ALDH4A1: variants seen among roughly 807,000 people sequenced by gnomAD.
ALDH4A1 encodes the protein aldehyde dehydrogenase 4 family member A1, also known as delta-1-pyrroline-5-carboxylate dehydrogenase, mitochondrial.
In ALDH4A1, 46 loss-of-function variants were observed where a neutral mutation model predicts 70.5. The observed-to-expected ratio is 0.65, with a 90% CI of 0.51 to 0.83. ALDH4A1 has a LOEUF of 0.83. Ranked by LOEUF, ALDH4A1 falls within the 40% of genes least tolerant of loss-of-function variation. The probability of loss-of-function intolerance (pLI) is 0.00; values close to 1 mark genes in which losing one functional copy is unlikely to be tolerated. For missense variants in ALDH4A1, 749 were observed against 766.5 expected, an observed-to-expected ratio of 0.98 and a Z score of 0.27; for synonymous variants, 323 against 324.3, an observed-to-expected ratio of 1.00 and a Z score of 0.04.
chr1:18,893,056 G>T (rs1486681534), intron 1 of ALDH4A1, among the ~76,000 whole-genome samples: 1 of 152,108 alleles, frequency 6.6e-6, no homozygotes, highest in Non-Finnish European at 1.5e-5. Context: ...ACCAAAGATG[G>T]TGAGCCAGAT....
At chr1:18,884,989 C>T (rs1935134951) in intron 5 of ALDH4A1, among the ~76,000 whole-genome samples, 1 of 152,116 alleles carries the variant, frequency 6.6e-6, no homozygotes, top group Admixed American at 6.5e-5. Flanking sequence ...CAGGGAAATG[C>T]AGAGCAGTGG....
At chr1:18,877,114 T>C (rs1934728721) in intron 11 of ALDH4A1, 94 bp downstream of exon 11, 2 of 1,484,902 alleles carry the variant, frequency 1.3e-6, no homozygotes, top group Non-Finnish European at 1.8e-6. Context: ...GGCTGGGTCA[T>C]GCCCTGGGTC....
At chr1:18,885,649 TG>T (rs1457195774) in intron 4 of ALDH4A1, 21 bp from the exon 5 acceptor site, 12 of 1,613,460 alleles carry the variant, frequency 7.4e-6, no homozygotes, top group African/African-American at 2.7e-5. Flanking sequence ...AGGGAGAGGT[TG>T]GGGACTGCCA....
intron 8 of ALDH4A1, among the ~76,000 whole-genome samples, chr1:18,879,770 G>A (rs1934889631): frequency 6.6e-6 from 1 of 152,154 alleles, no homozygotes; most frequent in Non-Finnish European, 1.5e-5. Flanking sequence ...TACCTGGCAG[G>A]GAACAGACCC....
At chr1:18,883,587 G>A (rs1935077940) in intron 5 of ALDH4A1, among the ~76,000 whole-genome samples, 159 bp from the exon 6 acceptor site, 1 of 152,210 alleles carries the variant, frequency 6.6e-6, no homozygotes, top group Admixed American at 6.5e-5. Context: ...GGGGCTGAGG[G>A]GGAAAGGATT....
chr1:18,882,089 C>T (rs1027960810), intron 7 of ALDH4A1, among the ~76,000 whole-genome samples: 6 of 152,216 alleles, frequency 3.9e-5, no homozygotes, highest in African/African-American at 9.7e-5. Context: ...CACGGCACAG[C>T]CCAATCTGCC....
intron 13 of ALDH4A1, 44 bp from the exon 14 acceptor site, chr1:18,874,625 C>T (rs1407405749): frequency 1.9e-6 from 3 of 1,590,464 alleles, no homozygotes; most frequent in Non-Finnish European, 2.6e-6. Context: ...GCTCATCTCC[C>T]CTCCAGCCCC....
intron 1 of ALDH4A1, among the ~76,000 whole-genome samples, chr1:18,897,807 C>T (rs1482599906): frequency 1.3e-5 from 2 of 152,188 alleles, no homozygotes; most frequent in African/African-American, 4.8e-5. Flanking sequence ...CCTCACCATA[C>T]AGCTAGAACC....
intron 3 of ALDH4A1, among the ~76,000 whole-genome samples, chr1:18,887,337 C>T (rs1420352732): frequency 1.3e-5 from 2 of 152,264 alleles, no homozygotes; most frequent in Non-Finnish European, 2.9e-5. Flanking sequence ...CGGTGGCTCA[C>T]ACCTGTGATC....
rs889135099 is a variant in ALDH4A1 at position 18,898,852 on chromosome 1, C to A, written c.62+3610G>T. On this transcript the variant is annotated intron_variant, in intron 1 of 14. Coordinates refer to ENST00000375341, the MANE Select transcript of ALDH4A1 (RefSeq NM_003748.4). The surrounding 1 kb of genome is among the most constrained non-coding windows in gnomAD (Gnocchi z 4.3). ...CTCCCAGGGGTGCCACTGCCAAGCA[C>A]TGCCTCAATGGCGCTTTCACTACTT... 6.6e-6 allele frequency among the ~76,000 whole-genome samples: 1 copy of A among 152,258 alleles called. No individual in the cohort carries two copies. Among genetic ancestry groups the A allele is most frequent in the African/African-American group, 2.4e-5 (1 of 41,468 alleles).
rs1935105815 is a variant in ALDH4A1 at position 18,884,274 on chromosome 1, T to C, written c.454-846A>G. Among the ~76,000 whole-genome samples the C allele has an allele frequency of 3.3e-5, 5 of 152,292 alleles. 1 individual carries two copies. In the South Asian group the frequency reaches 1.0e-3, roughly 32 times the overall value. On this transcript the variant is annotated intron_variant, in intron 5 of 14. Coordinates refer to ENST00000375341, the MANE Select transcript of ALDH4A1 (RefSeq NM_003748.4). The stretch of plus-strand genomic sequence containing the variant: ...GCTGCTGAGCCAATCTAAGAAGGCA[T>C]TTAGCAGGCTGAGGGGCTGTCATAC...
Position 18,883,418 on chromosome 1 carries a change from A to G in ALDH4A1, c.464T>C (p.Val155Ala). 6.2e-7 allele frequency: 1 copy of G among 1,613,388 alleles called. No individual in the cohort carries two copies. The highest frequency in any genetic ancestry group is 8.5e-7 in the Non-Finnish European group (1 of 1,180,034). The change falls in exon 6 of 15, where the codon GTG becomes GCG. Residue 155 changes from valine to alanine, a missense_variant. Physicochemically the swap from Val to Ala is moderately conservative, Grantham distance 64. Transcript: ENST00000375341. The stretch of plus-strand genomic sequence containing the variant: ...TGCAGCGTCAATCTCCGCTTGGATC[A>G]CGGTCTTACCCTGCAAGGCAGAGGG... ...AKTMVGQGKT[V>A]IQAEIDAAAE...
intron 8 of ALDH4A1, among the ~76,000 whole-genome samples, chr1:18,881,255 C>T (rs1038049922): frequency 3.9e-4 from 59 of 152,184 alleles, no homozygotes; most frequent in African/African-American, 1.3e-3. Flanking sequence ...TGTGCTATTC[C>T]CTCTCCCAAC....
At chr1:18,885,846 T>C (rs1263859736) in intron 4 of ALDH4A1, among the ~76,000 whole-genome samples, 1 of 152,144 alleles carries the variant, frequency 6.6e-6, no homozygotes, top group South Asian at 2.1e-4. Context: ...CCCGGCCAGG[T>C]TGGTCAGCTC....
chr1:18,900,227 A>C (rs1045036103), intron 1 of ALDH4A1, among the ~76,000 whole-genome samples: 12 of 152,256 alleles, frequency 7.9e-5, no homozygotes, highest in Non-Finnish European at 1.6e-4. Context: ...GAAAACACTA[A>C]GAAGCATCTC....
chr1:18,872,887 T>C lies in ALDH4A1; in HGVS notation c.1650A>G (p.Thr550=), dbSNP rs202214117. Residue 550 remains threonine, a synonymous_variant, in exon 15 of 15, where the codon ACA becomes ACG. Transcript: ENST00000375341. Reference sequence around the variant, plus strand: ...AGCTCCAGTCCCCCAGGGGCTTATGTGTCTCCTTGATGACCTGCGGCGACG... The same window carrying C: ...AGCTCCAGTCCCCCAGGGGCTTATGCGTCTCCTTGATGACCTGCGGCGACG... ...RWTSPQVIKE[T]HKPLGDWSYA... is the part of the protein sequence containing the mutation. 2.0e-4 allele frequency: 317 copies of C among 1,614,134 alleles called. 1 individual carries two copies. The Middle Eastern group carries it at 2.0e-3, about 10-fold the overall frequency.
chr1:18,894,451 G>A (rs1935547969), intron 1 of ALDH4A1, among the ~76,000 whole-genome samples: 1 of 152,248 alleles, frequency 6.6e-6, no homozygotes, highest in Non-Finnish European at 1.5e-5. Context: ...GCTGAGGCAG[G>A]AGAATCACTT....
Position 18,877,420 on chromosome 1 carries a change from C to T in ALDH4A1, c.1133G>A (p.Gly378Asp), listed in dbSNP as rs913349768. 9 of 1,571,264 alleles carry T rather than the reference C, an allele frequency of 5.7e-6. No individual in the cohort carries two copies. Among genetic ancestry groups the T allele is most frequent in the Middle Eastern group, 1.8e-4 (1 of 5,498 alleles). Residue 378 changes from glycine to aspartate, a missense_variant, in exon 10 of 15, where the codon GGC becomes GAC. By Grantham distance (94) the Gly-to-Asp change is moderately conservative (BLOSUM62 -1). Coordinates refer to ENST00000375341, the MANE Select transcript of ALDH4A1 (RefSeq NM_003748.4). ...LLEEHSRIKVGDPAEDFGTFF... is the reference protein window; with the variant it reads ...LLEEHSRIKVDDPAEDFGTFF... ...GGGGGTGACGGTGCCACTCACGTCGCCCACTTTGATCCGACTGTGCTCCTC... is the reference window on the plus strand; with the variant it reads ...GGGGGTGACGGTGCCACTCACGTCGTCCACTTTGATCCGACTGTGCTCCTC...
At chr1:18,887,395 C>A (rs188179076) in intron 3 of ALDH4A1, among the ~76,000 whole-genome samples, 3 of 152,198 alleles carry the variant, frequency 2.0e-5, no homozygotes, top group African/African-American at 7.2e-5. Context: ...GTCAGGAGAT[C>A]GAGACCATCC....
Sources: gnomAD v4.1 joint callset for allele counts (sites outside exome capture counted in the v4.1 genomes callset) on GRCh38, gnomAD v4.1.1 for gene constraint, Gnocchi (gnomAD v3.1) non-coding constraint, MANE v1.5 for transcripts, NCBI Gene and HGNC (gene_info 2026-07-23, HGNC 2026-07-21) for gene names.